Variants in PRKCQ observed in about 807,000 individuals in gnomAD.
PRKCQ encodes the protein protein kinase C theta, also known as protein kinase C theta type.
In PRKCQ, 41 loss-of-function variants were observed where a neutral mutation model predicts 91.2. The ratio of observed to expected loss-of-function variants is 0.45; its 90% CI spans 0.35 to 0.58. PRKCQ has a LOEUF of 0.58. Ranked by LOEUF, PRKCQ falls within the 20% of genes least tolerant of loss-of-function variation. The pLI is 0.00. For synonymous variants in PRKCQ, 307 were observed against 316.9 expected, an observed-to-expected ratio of 0.97 and a Z score of 0.33; for missense variants, 673 against 896.5, an observed-to-expected ratio of 0.75 and a Z score of 3.18.
intron 14 of PRKCQ, among the ~76,000 whole-genome samples, chr10:6,457,284 C>T (rs1403359043): frequency 1.3e-5 from 2 of 152,336 alleles, no homozygotes; most frequent in East Asian, 3.9e-4. Context: ...CAACAAACTT[C>T]TGTTTCCTTG....
At chr10:6,472,818 T>G (rs1836063210) in intron 12 of PRKCQ, among the ~76,000 whole-genome samples, 3 of 152,180 alleles carry the variant, frequency 2.0e-5, no homozygotes, top group Non-Finnish European at 2.9e-5. Flanking sequence ...GTTCAAGTGA[T>G]TATCCTGCCT....
chr10:6,395,268 G>A, the PRKCQ span, among the ~76,000 whole-genome samples: 2 of 151,984 alleles, frequency 1.3e-5, no homozygotes, highest in East Asian at 3.9e-4. Flanking sequence ...TTTTCACCGT[G>A]TTAGCCAGGA....
Position 6,497,019 on chromosome 10 carries a change from G to A in PRKCQ, c.660+16C>T. The A allele has an allele frequency of 2.5e-6, 4 of 1,603,302 alleles. No homozygotes were observed. The highest frequency in any genetic ancestry group is 3.4e-6 in the Non-Finnish European group (4 of 1,171,856). On this transcript the variant is annotated intron_variant, in intron 7 of 17. Coordinates refer to ENST00000263125, the MANE Select transcript of PRKCQ (RefSeq NM_006257.5). This position sits in a 1 kb window ranked among gnomAD's most constrained non-coding sequence, Gnocchi z 4.5. Reference sequence around the variant, plus strand: ...ATAAAAATCACTGCACGTCAAAGAGGAGTGTAAATACTCACCATGGTTTCT... The same window carrying A: ...ATAAAAATCACTGCACGTCAAAGAGAAGTGTAAATACTCACCATGGTTTCT...
the PRKCQ span, among the ~76,000 whole-genome samples, chr10:6,398,714 C>G: frequency 1.3e-5 from 2 of 151,882 alleles, no homozygotes; most frequent in East Asian, 3.9e-4. Context: ...GAGCAAGGAA[C>G]GAGTCACAAT....
At position 6,497,214 on chromosome 10, in the gene PRKCQ, A is replaced by T; in HGVS notation, c.574+6T>A. 1 of 1,614,210 alleles carries T rather than the reference A, an allele frequency of 6.2e-7. No individual in the cohort carries two copies. Among genetic ancestry groups the T allele is most frequent in the Non-Finnish European group, 8.5e-7 (1 of 1,180,026 alleles). On this transcript the variant is annotated splice_donor_region_variant and intron_variant, in intron 6 of 17. Coordinates refer to ENST00000263125, the MANE Select transcript of PRKCQ (RefSeq NM_006257.5). This position sits in a 1 kb window ranked among gnomAD's most constrained non-coding sequence, Gnocchi z 4.5. ...ATGGTAATGCAACCAAAACCCTCTT[A>T]CTTACGTCGGCACTGGTAGCCCTGT...
intron 11 of PRKCQ, among the ~76,000 whole-genome samples, chr10:6,482,620 T>C (rs765305392): frequency 6.6e-6 from 1 of 152,082 alleles, no homozygotes; most frequent in African/African-American, 2.4e-5. Context: ...AGCCAGTATG[T>C]GAGATTTTGT....
upstream of PRKCQ, chr10:6,580,285 A>AGGGCTGGCAGGG (rs1564405599): frequency 3.9e-3 from 136 of 34,686 alleles, no homozygotes; most frequent in African/African-American, 9.2e-3. Context: ...CTGCGCGGGG[A>AGGGCTGGCAGGG]CTGGCGGGGC....
chr10:6,404,670 CTCTT>C, the PRKCQ span, among the ~76,000 whole-genome samples: 3 of 138,636 alleles, frequency 2.2e-5, no homozygotes, highest in Admixed American at 7.5e-5. Context: ...TTTTCTTTCT[CTCTT>C]TCCTTTCTTC....
intron 13 of PRKCQ, 25 bp downstream of exon 13, chr10:6,464,288 T>C: frequency 1.3e-6 from 2 of 1,597,398 alleles, no homozygotes; most frequent in Non-Finnish European, 1.7e-6. Context: ...AGTGGAAAAC[T>C]CCCAAACCCT....
chr10:6,554,644 A>G (rs184926758), intron 1 of PRKCQ, among the ~76,000 whole-genome samples: 2 of 152,348 alleles, frequency 1.3e-5, no homozygotes, highest in African/African-American at 2.4e-5. Context: ...TTGTGTTAGG[A>G]AAATGATCCC....
intron 1 of PRKCQ, among the ~76,000 whole-genome samples, chr10:6,571,544 A>C (rs557280276): frequency 6.6e-6 from 1 of 152,254 alleles, no homozygotes; most frequent in South Asian, 2.1e-4. Context: ...GGTGGCTCAC[A>C]CCTGTAATCC....
At chr10:6,485,076 A>T (rs1457514354) in intron 10 of PRKCQ, 76 bp downstream of exon 10, 4 of 1,322,710 alleles carry the variant, frequency 3.0e-6, no homozygotes, top group Non-Finnish European at 4.3e-6. Context: ...CTGATAACTT[A>T]AATCCAAGGG....
chr10:6,550,407 G>A (rs1411511085), intron 1 of PRKCQ, among the ~76,000 whole-genome samples: 1 of 152,114 alleles, frequency 6.6e-6, no homozygotes, highest in African/African-American at 2.4e-5. Flanking sequence ...CTGAGTAGCT[G>A]GGATTACAGG....
intron 1 of PRKCQ, among the ~76,000 whole-genome samples, chr10:6,572,042 C>G (rs1194750170): frequency 1.3e-5 from 2 of 152,152 alleles, no homozygotes; most frequent in African/African-American, 4.8e-5. Context: ...TCTCTGTAAG[C>G]TGTGAGACCC....
the PRKCQ span, among the ~76,000 whole-genome samples, chr10:6,404,248 G>GT: frequency 4.0e-5 from 2 of 49,928 alleles, no homozygotes; most frequent in African/African-American, 1.7e-4. Flanking sequence ...AGGGAGAGAA[G>GT]GGGGGGGGAG....
rs75544153 is a variant in PRKCQ, at chr10:6,557,128, C to T, written c.-10+23083G>A. ...TAACAACTTCTGCCGTGGCTTCTCC[C>T]GCTGCTATGGCCTTACCTCCCTTCC... On this transcript the variant is annotated intron_variant, in intron 1 of 17. Transcript: ENST00000263125. 3.9e-3 allele frequency among the ~76,000 whole-genome samples: 587 copies of T among 152,288 alleles called. 2 individuals are homozygous for T. The highest frequency in any genetic ancestry group is 0.013 in the African/African-American group (550 of 41,552).
chr10:6,517,992 A>G (rs1287609722), intron 1 of PRKCQ, among the ~76,000 whole-genome samples: 1 of 152,242 alleles, frequency 6.6e-6, no homozygotes, highest in African/African-American at 2.4e-5. Flanking sequence ...TGCATGTACC[A>G]TTCCTGAAAA....
Position 6,548,854 on chromosome 10 carries a change from C to A in PRKCQ, c.-10+31357G>T, listed in dbSNP as rs778646603. Among the ~76,000 whole-genome samples, 3 of 151,960 alleles carry A rather than the reference C, an allele frequency of 2.0e-5. No homozygotes were observed. In the East Asian group the frequency reaches 5.8e-4, roughly 29 times the overall value. ...CATATGTAACAAACTGCACATGGTGCACATGTACCCTAAAACTTAAAGTAT... is the reference window on the plus strand; with the variant it reads ...CATATGTAACAAACTGCACATGGTGAACATGTACCCTAAAACTTAAAGTAT... On this transcript the variant is annotated intron_variant, in intron 1 of 17. Transcript: ENST00000263125.
At chr10:6,541,258 C>T (rs189490061) in intron 1 of PRKCQ, among the ~76,000 whole-genome samples, 84 of 152,332 alleles carry the variant, frequency 5.5e-4, no homozygotes, top group African/African-American at 1.9e-3. Context: ...TGCGTAAAGG[C>T]TTTTGCCAAA....
Sources: allele counts gnomAD v4.1 joint callset (sites outside exome capture counted in the v4.1 genomes callset), GRCh38; gene constraint gnomAD v4.1.1; non-coding constraint Gnocchi (gnomAD v3.1); transcripts MANE v1.5; gene names NCBI Gene and HGNC (gene_info 2026-07-23, HGNC 2026-07-21).